SHROOM3: variants seen among roughly 807,000 people sequenced by gnomAD.
The protein encoded by SHROOM3 is shroom family member 3.
SHROOM3 carries 47 observed loss-of-function variants against 138.6 expected under a neutral mutation model. The observed-to-expected ratio is 0.34, with a 90% CI of 0.27 to 0.43. The LOEUF is 0.43. Ranked by LOEUF, SHROOM3 falls within the 20% of genes least tolerant of loss-of-function variation. The pLI is 1.00. For synonymous variants in SHROOM3, 1,062 were observed against 1,063.3 expected (o/e 1.00, Z 0.02); for missense variants, 2,491 against 2,596.5 (o/e 0.96, Z 0.88).
At chr4:76,767,321 C>T (rs1420267285) in intron 9 of SHROOM3, among the ~76,000 whole-genome samples, 1 of 152,154 alleles carries the variant, frequency 6.6e-6, no homozygotes, top group African/African-American at 2.4e-5. Flanking sequence ...CATGTGAGAG[C>T]AAACTACTTA....
chr4:76,693,371 T>TG (rs1719616572), intron 2 of SHROOM3, among the ~76,000 whole-genome samples: 1 of 67,996 alleles, frequency 1.5e-5, no homozygotes, highest in Non-Finnish European at 2.9e-5. Context: ...GATAAGTTTG[T>TG]TTTTTTTTTT....
At chr4:76,480,780 A>C (rs907320989) in intron 1 of SHROOM3, among the ~76,000 whole-genome samples, 1 of 152,172 alleles carries the variant, frequency 6.6e-6, no homozygotes, top group African/African-American at 2.4e-5. Flanking sequence ...CATAACAAAC[A>C]ATCTCTCAGA....
chr4:76,623,820 G>A (rs548163453), intron 2 of SHROOM3, among the ~76,000 whole-genome samples: 1 of 152,140 alleles, frequency 6.6e-6, no homozygotes, highest in African/African-American at 2.4e-5. Flanking sequence ...GAATGAACAC[G>A]CCTGGGATTT....
intron 1 of SHROOM3, among the ~76,000 whole-genome samples, chr4:76,448,079 G>A (rs550717949): frequency 5.7e-4 from 86 of 152,136 alleles, no homozygotes; most frequent in Non-Finnish European, 1.0e-3. Flanking sequence ...ATTATTTATA[G>A]AGCATTATTT....
At chr4:76,713,070 C>T (rs1298211158) in intron 3 of SHROOM3, among the ~76,000 whole-genome samples, 1 of 152,236 alleles carries the variant, frequency 6.6e-6, no homozygotes, top group Non-Finnish European at 1.5e-5. Flanking sequence ...GGCAGTTGCT[C>T]TGGGAGAGTC....
At chr4:76,607,977 C>G (rs1734657749) in intron 2 of SHROOM3, among the ~76,000 whole-genome samples, 1 of 152,290 alleles carries the variant, frequency 6.6e-6, no homozygotes, top group South Asian at 2.1e-4. Context: ...GCTGTGCAGG[C>G]TGTTCACTCC....
At chr4:76,635,189 C>T (rs1321232153) in intron 2 of SHROOM3, among the ~76,000 whole-genome samples, 1 of 152,176 alleles carries the variant, frequency 6.6e-6, no homozygotes, top group African/African-American at 2.4e-5. Flanking sequence ...TAGAGGAAGA[C>T]CCTCACTGAA....
At chr4:76,486,422 C>G (rs1307650694) in intron 1 of SHROOM3, among the ~76,000 whole-genome samples, 1 of 152,188 alleles carries the variant, frequency 6.6e-6, no homozygotes, top group Non-Finnish European at 1.5e-5. Context: ...GATCATGAAG[C>G]TTTACCTTGT....
intron 3 of SHROOM3, among the ~76,000 whole-genome samples, chr4:76,729,013 CCTGT>C (rs145540513): frequency 8.9e-4 from 136 of 152,246 alleles, no homozygotes; most frequent in African/African-American, 3.2e-3. Context: ...GTCTCCCTAC[CCTGT>C]CTACTATTCA....
At chr4:76,447,639 A>T (rs1730841487) in intron 1 of SHROOM3, among the ~76,000 whole-genome samples, 1 of 152,160 alleles carries the variant, frequency 6.6e-6, no homozygotes, top group South Asian at 2.1e-4. Flanking sequence ...GCTTTTGTTT[A>T]TTTTTTATAT....
At chr4:76,714,970 G>T (rs1007965002) in intron 3 of SHROOM3, among the ~76,000 whole-genome samples, 1 of 152,136 alleles carries the variant, frequency 6.6e-6, no homozygotes, top group Non-Finnish European at 1.5e-5. Flanking sequence ...ATGTGGAAAA[G>T]GATGAGGTAG....
chr4:76,603,078 G>T (rs192893535), intron 2 of SHROOM3, among the ~76,000 whole-genome samples: 33 of 152,178 alleles, frequency 2.2e-4, no homozygotes, highest in Non-Finnish European at 4.6e-4. Flanking sequence ...TGGTATAAAG[G>T]CACTTAATTC....
chr4:76,528,216 T>G (rs1181598384), intron 1 of SHROOM3, among the ~76,000 whole-genome samples: 1 of 152,216 alleles, frequency 6.6e-6, no homozygotes, highest in African/African-American at 2.4e-5. Context: ...TTAGATTAAC[T>G]TATTATCCCC....
At chr4:76,603,513 C>T (rs114394556) in intron 2 of SHROOM3, among the ~76,000 whole-genome samples, 2 of 152,184 alleles carry the variant, frequency 1.3e-5, no homozygotes, top group African/African-American at 2.4e-5. Context: ...ATGATCAAAG[C>T]CTCTGACTTT....
chr4:76,518,081 C>T (rs1318158153), intron 1 of SHROOM3, among the ~76,000 whole-genome samples: 2 of 152,038 alleles, frequency 1.3e-5, no homozygotes, highest in East Asian at 1.9e-4. Flanking sequence ...TCTGTCAACC[C>T]TCAGAAATTG....
chr4:76,555,548 G>C, intron 1 of SHROOM3, 61 bp from the exon 2 acceptor site: 1 of 1,608,392 alleles, frequency 6.2e-7, no homozygotes, highest in East Asian at 2.2e-5. Context: ...CGGGATAGCC[G>C]GACAGACCCC....
intron 2 of SHROOM3, among the ~76,000 whole-genome samples, chr4:76,589,392 AG>A (rs1734217400): frequency 6.6e-6 from 1 of 152,162 alleles, no homozygotes; most frequent in East Asian, 1.9e-4. Context: ...GCTTGAACCC[AG>A]AAGGCGGAGG....
chr4:76,590,648 A>T (rs1255395147), intron 2 of SHROOM3, among the ~76,000 whole-genome samples: 1 of 151,730 alleles, frequency 6.6e-6, no homozygotes, highest in Admixed American at 6.6e-5. Context: ...CGCATCCTAC[A>T]TTCCTGTTCT....
chr4:76,544,268 T>G (rs894254410), intron 1 of SHROOM3, among the ~76,000 whole-genome samples: 2 of 152,148 alleles, frequency 1.3e-5, no homozygotes, highest in African/African-American at 4.8e-5. Context: ...CAAATGAGTA[T>G]GAAAATAAAT....
Sources: allele counts gnomAD v4.1 joint callset (sites outside exome capture counted in the v4.1 genomes callset), GRCh38; gene constraint gnomAD v4.1.1; transcripts MANE v1.5; gene names NCBI Gene and HGNC (gene_info 2026-07-23, HGNC 2026-07-21).